The following STX2 variants were observed in gnomAD, a reference collection of about 807,000 sequenced individuals.
STX2 encodes the protein syntaxin-2.
In STX2, 27 loss-of-function variants were observed where a neutral mutation model predicts 40.6. The observed-to-expected ratio is 0.66, with a 90% CI of 0.49 to 0.92. STX2 has a LOEUF of 0.92. Among genes scored for constraint, STX2 ranks in the 40% least tolerant of loss-of-function variants. STX2 has a pLI of 0.00. For missense variants in STX2, 328 were observed against 366.1 expected, an observed-to-expected ratio of 0.90 and a Z score of 0.85; for synonymous variants, 123 against 119.1, an observed-to-expected ratio of 1.03 and a Z score of -0.22.
At chr12:130,838,971 G>C (rs1229953266) in intron 1 of STX2, 99 bp downstream of exon 1, 12 of 1,126,698 alleles carry the variant, frequency 1.1e-5, no homozygotes, top group Non-Finnish European at 3.4e-6. Context: ...CCGCCCTGGG[G>C]ACCCTCCCGG....
intron 3 of STX2, among the ~76,000 whole-genome samples, chr12:130,820,825 G>A (rs755930434): frequency 3.3e-5 from 5 of 152,164 alleles, no homozygotes; most frequent in Admixed American, 1.3e-4. Flanking sequence ...GGCCTGTGTC[G>A]TGGAGGTAGG....
At chr12:130,805,308 G>T (rs1438361966) in intron 6 of STX2, among the ~76,000 whole-genome samples, 1 of 152,134 alleles carries the variant, frequency 6.6e-6, no homozygotes, top group African/African-American at 2.4e-5. Context: ...TGAGCATCAG[G>T]CCACACACTG....
At position 130,839,181 on chromosome 12, in the gene STX2, G is replaced by A. The variant is rs1356612025; in HGVS notation, c.-82C>T. On this transcript the variant is annotated 5_prime_UTR_variant, in exon 1 of 11. Transcript: ENST00000392373. Reference sequence around the variant, plus strand: ...CCGGGCCTCGGGCTCTCCGGTCTCCGCCTCAGGCCCCGCGGTCCCGGCCCG... The same window carrying A: ...CCGGGCCTCGGGCTCTCCGGTCTCCACCTCAGGCCCCGCGGTCCCGGCCCG... 27 of 1,108,458 alleles carry A rather than the reference G, an allele frequency of 2.4e-5. No individual in the cohort carries two copies. The highest frequency in any genetic ancestry group is 2.8e-5 in the Non-Finnish European group (25 of 905,286). 68.7% of individuals were successfully genotyped at this position (1,108,458 alleles called of 1,614,324 possible).
intron 1 of STX2, among the ~76,000 whole-genome samples, chr12:130,836,942 T>C (rs1952772581): frequency 6.6e-6 from 1 of 152,142 alleles, no homozygotes; most frequent in African/African-American, 2.4e-5. Context: ...TGTTCTACTG[T>C]TTCAGGAAGG....
chr12:130,793,393 C>T (rs1055915617), intron 10 of STX2, among the ~76,000 whole-genome samples: 6 of 152,306 alleles, frequency 3.9e-5, no homozygotes, highest in Non-Finnish European at 5.9e-5. Context: ...CAGAGGGAGG[C>T]GCGCGCCCTC....
chr12:130,803,992 C>A (rs775119297), intron 6 of STX2, among the ~76,000 whole-genome samples: 1 of 152,208 alleles, frequency 6.6e-6, no homozygotes, highest in Non-Finnish European at 1.5e-5. Flanking sequence ...TGCCTGATTA[C>A]AGGGTGCAGT....
intron 6 of STX2, 131 bp downstream of exon 6, chr12:130,806,851 A>C: frequency 2.5e-6 from 2 of 788,700 alleles, no homozygotes; most frequent in Non-Finnish European, 4.1e-6. Context: ...GGAAGCTACG[A>C]GTGGTCTTTG....
chr12:130,803,666 C>CAAAAAAA (rs869033438), intron 6 of STX2, among the ~76,000 whole-genome samples: 1 of 16,726 alleles, frequency 6.0e-5, no homozygotes, highest in African/African-American at 1.8e-4. Context: ...GGCTCTCTCT[C>CAAAAAAA]AAAAAAAAAA....
chr12:130,802,805 C>A (rs2136250422), intron 6 of STX2, among the ~76,000 whole-genome samples: 1 of 152,308 alleles, frequency 6.6e-6, no homozygotes. Context: ...ACCCTGCCCA[C>A]CCCATGGTGA....
chr12:130,827,269 T>C lies in STX2; in HGVS notation c.31-2A>G, dbSNP rs1317503125. The C allele has an allele frequency of 6.2e-7, 1 of 1,611,794 alleles. No homozygotes were observed. Among genetic ancestry groups the C allele is most frequent in the Non-Finnish European group, 8.5e-7 (1 of 1,178,534 alleles). On this transcript the variant is annotated splice_acceptor_variant, in intron 1 of 10. Coordinates refer to ENST00000392373, the MANE Select transcript of STX2 (RefSeq NM_194356.4). LOFTEE classifies it high-confidence loss of function. Reference sequence around the variant, plus strand: ...GTCTCCATCATCATTCTTCCTACACTACAATGAAAAATGGAAAATTCAGTT... The same window carrying C: ...GTCTCCATCATCATTCTTCCTACACCACAATGAAAAATGGAAAATTCAGTT...
rs144876045 is a variant in STX2, at chr12:130,837,365, C to T, written c.30+1705G>A. 7.9e-5 allele frequency among the ~76,000 whole-genome samples: 12 copies of T among 152,284 alleles called. No individual in the cohort carries two copies. The East Asian group carries it at 2.1e-3, about 27-fold the overall frequency. On this transcript the variant is annotated intron_variant, in intron 1 of 10. Transcript: ENST00000392373. ...CTGGAGTACAGTGGCACAATCTCGG[C>T]TTTCTGCAACCTCCGCCTCCTGGAT...
chr12:130,815,675 G>A (rs144821033), intron 3 of STX2, among the ~76,000 whole-genome samples: 30 of 152,290 alleles, frequency 2.0e-4, no homozygotes, highest in African/African-American at 7.0e-4. Flanking sequence ...AAAAGCACAG[G>A]GAAGCCTGCT....
At chr12:130,824,546 C>T (rs1482843032) in intron 2 of STX2, among the ~76,000 whole-genome samples, 2 of 152,190 alleles carry the variant, frequency 1.3e-5, no homozygotes, top group Non-Finnish European at 2.9e-5. Flanking sequence ...CAGGGCTATA[C>T]ACCCTGTACC....
At chr12:130,812,174 T>TAAA in intron 4 of STX2, 1 of 221,914 alleles carries the variant, frequency 4.5e-6, no homozygotes, top group Non-Finnish European at 9.1e-6. Context: ...GCAAACTGTT[T>TAAA]AAAAAAAAAA....
At chr12:130,836,542 G>A (rs928629051) in intron 1 of STX2, among the ~76,000 whole-genome samples, 2 of 152,182 alleles carry the variant, frequency 1.3e-5, no homozygotes, top group African/African-American at 4.8e-5. Context: ...CCAAAGTGCT[G>A]GGACTACAAG....
At position 130,806,173 on chromosome 12, in the gene STX2, G is replaced by A. The variant is rs145614565; in HGVS notation, c.463+809C>T. Among the ~76,000 whole-genome samples, 742 of 152,316 alleles carry A rather than the reference G, an allele frequency of 4.9e-3. 3 individuals are homozygous for A. The highest frequency in any genetic ancestry group is 0.017 in the African/African-American group (706 of 41,572). ...GTGGGACAAGGTCAAGCGGCCTGGC[G>A]GGCATATGACAACATTCTCTGAGGG... On this transcript the variant is annotated intron_variant, in intron 6 of 10. Transcript: ENST00000392373.
At chr12:130,814,558 C>T (rs1405715993) in intron 3 of STX2, among the ~76,000 whole-genome samples, 1 of 150,738 alleles carries the variant, frequency 6.6e-6, no homozygotes, top group East Asian at 2.0e-4. Flanking sequence ...GGGGCTTTTA[C>T]TGAGGGCACC....
At chr12:130,832,676 G>A (rs923679115) in intron 1 of STX2, among the ~76,000 whole-genome samples, 3 of 152,172 alleles carry the variant, frequency 2.0e-5, no homozygotes, top group Non-Finnish European at 4.4e-5. Context: ...TGGGGGCGGG[G>A]GCAGCCCCTT....
At chr12:130,800,662 A>G (rs1354522296) in intron 8 of STX2, among the ~76,000 whole-genome samples, 2 of 152,256 alleles carry the variant, frequency 1.3e-5, no homozygotes, top group African/African-American at 4.8e-5. Context: ...GAAAATAAAT[A>G]CTTTTAGAGA....
Sources: allele counts gnomAD v4.1 joint callset (sites outside exome capture counted in the v4.1 genomes callset), GRCh38; gene constraint gnomAD v4.1.1; transcripts MANE v1.5; gene names NCBI Gene and HGNC (gene_info 2026-07-23, HGNC 2026-07-21).